ARMC2: variants seen among roughly 807,000 people sequenced by gnomAD.
ARMC2 encodes armadillo repeat-containing protein 2.
ARMC2 carries 67 observed loss-of-function variants against 90.3 expected under a neutral mutation model. The observed-to-expected ratio is 0.74, with a 90% CI of 0.61 to 0.91. The LOEUF is 0.91. ARMC2 is among the 40% of genes least tolerant of loss of function. ARMC2 has a pLI of 0.00. For synonymous variants in ARMC2, 393 were observed against 393.0 expected (o/e 1.00, Z 0.00); for missense variants, 920 against 1,030.9 (o/e 0.89, Z 1.47).
the ARMC2 span, among the ~76,000 whole-genome samples, chr6:109,034,181 GC>G: frequency 4.6e-5 from 7 of 152,118 alleles, no homozygotes; most frequent in African/African-American, 7.2e-5. Flanking sequence ...TAATTACTTA[GC>G]ACAGCATTTT....
the ARMC2 span, among the ~76,000 whole-genome samples, chr6:109,014,811 G>C: frequency 6.6e-6 from 1 of 152,046 alleles, no homozygotes; most frequent in Non-Finnish European, 1.5e-5. Flanking sequence ...CCTCCTACAT[G>C]TTCCTCACAT....
At chr6:108,946,847 C>T (rs2798641) in intron 12 of ARMC2, among the ~76,000 whole-genome samples, 23,577 of 152,106 alleles carry the variant, frequency 0.16, 2,252 homozygotes, top group East Asian at 0.28. Flanking sequence ...TCCCCACAGT[C>T]AACATTATGC....
At position 108,854,541 on chromosome 6, in the gene ARMC2, T is replaced by C. The variant is rs80286413; in HGVS notation, c.218+56T>C. 2.2e-3 allele frequency: 3,300 copies of C among 1,489,124 alleles called. 57 individuals carry two copies. In the African/African-American group the frequency reaches 0.042, roughly 19 times the overall value. 92.2% of individuals were successfully genotyped at this position (1,489,124 alleles called of 1,614,324 possible). A position where few individuals can be genotyped will look rare whatever the true frequency, so the allele number is the denominator to read the frequency against. On this transcript the variant is annotated intron_variant, in intron 2 of 17. Transcript: ENST00000392644. ...AGATATTTAAGCACCAGGTTATACC[T>C]TCCCTTAATTCTACTTAAGGTTAGC...
At chr6:109,005,032 A>G in the ARMC2 span, among the ~76,000 whole-genome samples, 26 of 152,366 alleles carry the variant, frequency 1.7e-4, no homozygotes, top group East Asian at 5.0e-3. Context: ...GATCAAAATT[A>G]AAAAGTCCCA....
At chr6:108,961,236 G>A (rs1200761464) in intron 13 of ARMC2, among the ~76,000 whole-genome samples, 4 of 152,176 alleles carry the variant, frequency 2.6e-5, no homozygotes, top group Non-Finnish European at 4.4e-5. Context: ...GAAAACAGGC[G>A]GGATTGGAGA....
intron 3 of ARMC2, among the ~76,000 whole-genome samples, chr6:108,865,932 G>C (rs779258779): frequency 2.8e-4 from 42 of 150,684 alleles, no homozygotes; most frequent in Non-Finnish European, 4.6e-4. Context: ...CTGGAGAATT[G>C]CATGAGACCA....
chr6:109,000,589 T>C, the ARMC2 span: 2 of 1,612,734 alleles, frequency 1.2e-6, no homozygotes, highest in Non-Finnish European at 1.7e-6. Flanking sequence ...TCTAAACCAT[T>C]GAGCCACTTG....
intron 8 of ARMC2, among the ~76,000 whole-genome samples, chr6:108,908,908 A>G (rs1773102427): frequency 6.6e-6 from 1 of 152,126 alleles, no homozygotes; most frequent in African/African-American, 2.4e-5. Flanking sequence ...TGTCTCTACT[A>G]AAAATGCAAA....
chr6:108,945,132 G>A (rs1020394326), intron 12 of ARMC2, among the ~76,000 whole-genome samples: 3 of 152,078 alleles, frequency 2.0e-5, no homozygotes, highest in African/African-American at 7.2e-5. Context: ...GCTTTATGGT[G>A]TAAACTGCTT....
intron 13 of ARMC2, among the ~76,000 whole-genome samples, chr6:108,955,155 T>C (rs1777482556): frequency 6.6e-6 from 1 of 152,302 alleles, no homozygotes; most frequent in South Asian, 2.1e-4. Context: ...GGGATAGGGC[T>C]TTTACATGTG....
chr6:108,965,371 CT>C (rs35328272), intron 17 of ARMC2, among the ~76,000 whole-genome samples: 12,100 of 126,726 alleles, frequency 0.095, 435 homozygotes, highest in Middle Eastern at 0.18. Context: ...TCTTCTATGG[CT>C]TTTTTTTTTT....
At chr6:108,997,527 A>G in the ARMC2 span, among the ~76,000 whole-genome samples, 1 of 152,162 alleles carries the variant, frequency 6.6e-6, no homozygotes, top group East Asian at 1.9e-4. Context: ...TGTAAATGCT[A>G]CCTCTTATTT....
At chr6:108,906,669 G>C (rs2128466791) in intron 8 of ARMC2, among the ~76,000 whole-genome samples, 1 of 152,186 alleles carries the variant, frequency 6.6e-6, no homozygotes, top group Non-Finnish European at 1.5e-5. Flanking sequence ...ATGTTTTATA[G>C]AATTGGGGTC....
chr6:108,992,323 C>G, the ARMC2 span, among the ~76,000 whole-genome samples: 2 of 151,976 alleles, frequency 1.3e-5, no homozygotes, highest in East Asian at 3.9e-4. Flanking sequence ...CCCTTGTTGG[C>G]CAGGCTGGTC....
rs546207479 is a variant in ARMC2 at position 108,964,190 on chromosome 6, C to T, written c.2163C>T (p.Phe721=). The change falls in exon 16 of 18, where the codon TTC becomes TTT. Residue 721 remains phenylalanine, a synonymous_variant. Transcript: ENST00000392644. ...TCTCTTCCCTCGTAGTCCACAGGTT[C>T]ATGATGGCGCTGCTGGATGCTCAGC... ...DFIVQNNVHR[F]MMALLDAQHQ... is the part of the protein sequence containing the mutation. The T allele has an allele frequency of 2.5e-6, 4 of 1,613,700 alleles. No individual in the cohort carries two copies. In the East Asian group the frequency reaches 6.7e-5, roughly 27 times the overall value.
downstream of ARMC2, among the ~76,000 whole-genome samples, chr6:108,975,767 T>G (rs1352128125): frequency 6.6e-6 from 1 of 152,240 alleles, no homozygotes; most frequent in Non-Finnish European, 1.5e-5. Context: ...ATGATGAGCT[T>G]TTTTTCATGT....
At chr6:108,888,952 T>C (rs1770662948) in intron 5 of ARMC2, among the ~76,000 whole-genome samples, 1 of 152,138 alleles carries the variant, frequency 6.6e-6, no homozygotes, top group Admixed American at 6.5e-5. Flanking sequence ...TTATTGCCTG[T>C]CAAATCAGAT....
chr6:108,948,215 C>T (rs1454130043), intron 12 of ARMC2, among the ~76,000 whole-genome samples: 2 of 152,124 alleles, frequency 1.3e-5, no homozygotes, highest in East Asian at 3.9e-4. Context: ...TAGGGAGGAC[C>T]TTGGAGTGCA....
chr6:108,904,218 T>C lies in ARMC2; in HGVS notation c.848-12T>C, dbSNP rs1189933647. On this transcript the variant is annotated splice_polypyrimidine_tract_variant and intron_variant, in intron 7 of 17. Coordinates refer to ENST00000392644, the MANE Select transcript of ARMC2 (RefSeq NM_032131.6). The stretch of plus-strand genomic sequence containing the variant: ...ATTAGTAAGTGTTGCTTTACTCTCT[T>C]TGCTCTGACAGAAGAAAACATTGAA... The C allele has an allele frequency of 1.2e-6, 2 of 1,613,060 alleles. No homozygotes were observed. Among genetic ancestry groups the C allele is most frequent in the East Asian group, 4.5e-5 (2 of 44,830 alleles).
Sources: allele counts gnomAD v4.1 joint callset (sites outside exome capture counted in the v4.1 genomes callset), GRCh38; gene constraint gnomAD v4.1.1; transcripts MANE v1.5; gene names NCBI Gene and HGNC (gene_info 2026-07-23, HGNC 2026-07-21).